Variants in NF1 observed in about 807,000 individuals in gnomAD.
The protein encoded by NF1 is neurofibromin 1.
In NF1, 122 loss-of-function variants were observed where a neutral mutation model predicts 325.7. The observed-to-expected ratio is 0.37, with a 90% CI of 0.32 to 0.44. The LOEUF (loss-of-function observed/expected upper bound fraction) is 0.44, where lower values mean the gene tolerates loss of function less well. Ranked by LOEUF, NF1 falls within the 20% of genes least tolerant of loss-of-function variation. NF1 has a pLI of 1.00. For missense variants in NF1, 2,140 were observed against 3,415.4 expected (o/e 0.63, Z 9.31); for synonymous variants, 1,091 against 1,186.0 (o/e 0.92, Z 1.65).
intron 1 of NF1, among the ~76,000 whole-genome samples, chr17:31,127,569 A>G (rs1026234887): frequency 6.6e-6 from 1 of 151,482 alleles, no homozygotes; most frequent in Admixed American, 6.6e-5. Context: ...TAGAAATGAA[A>G]TTAACTTATA....
intron 1 of NF1, among the ~76,000 whole-genome samples, chr17:31,101,613 C>G (rs1329818005): frequency 6.6e-6 from 1 of 152,186 alleles, no homozygotes; most frequent in African/African-American, 2.4e-5. Context: ...CTTCTTCCCA[C>G]TTCTTGGCCT....
At chr17:31,343,189 G>A in intron 48 of NF1, 54 bp downstream of exon 48, 1 of 1,480,436 alleles carries the variant, frequency 6.8e-7, no homozygotes, top group East Asian at 2.3e-5. Context: ...GAAACCAGAA[G>A]TAATTTGAAT....
intron 3 of NF1, among the ~76,000 whole-genome samples, chr17:31,162,034 T>G (rs1269557738): frequency 4.6e-5 from 1 of 21,914 alleles, no homozygotes. Flanking sequence ...AGACTCCATC[T>G]CAAAAAAAAA....
intron 36 of NF1, among the ~76,000 whole-genome samples, chr17:31,308,264 A>C (rs895522463): frequency 6.6e-6 from 1 of 151,830 alleles, no homozygotes; most frequent in African/African-American, 2.4e-5. Flanking sequence ...CATCCTCCCG[A>C]GTAGCTGGGA....
intron 39 of NF1, among the ~76,000 whole-genome samples, chr17:31,333,036 T>C (rs2069547492): frequency 6.6e-6 from 1 of 152,198 alleles, no homozygotes; most frequent in Non-Finnish European, 1.5e-5. Context: ...GAGACCAGCC[T>C]GGACAACATA....
rs903864295 is a variant in NF1 at position 31,362,253 on chromosome 17, G to A, written c.8377+1550G>A. On this transcript the variant is annotated intron_variant, in intron 57 of 57. Transcript: ENST00000358273. ...CATTATCAGCATTTCAGCTGTGAAG[G>A]CCAGGGCAAAACTTAAAATTTACTT... is the stretch of plus-strand genomic sequence containing the variant. The A allele has an allele frequency of 1.2e-5, 12 of 963,212 alleles. 1 individual carries two copies. The highest frequency in any genetic ancestry group is 5.4e-4 in the Middle Eastern group (1 of 1,868). 59.7% of individuals were successfully genotyped at this position (963,212 alleles called of 1,614,324 possible).
intron 4 of NF1, among the ~76,000 whole-genome samples, chr17:31,167,938 A>G (rs17883350): frequency 1.4e-4 from 21 of 152,198 alleles, no homozygotes; most frequent in Non-Finnish European, 2.5e-4. Context: ...AAATACATGT[A>G]CAAACTGTGA....
rs1359512152 is a variant in NF1, at chr17:31,230,928, A to G, written c.3197+3A>G. The G allele has an allele frequency of 2.5e-6, 4 of 1,605,050 alleles. No homozygotes were observed. Among genetic ancestry groups the G allele is most frequent in the East Asian group, 2.2e-5 (1 of 44,694 alleles). The stretch of plus-strand genomic sequence containing the variant: ...GATGATGTAAAATGTCTTACAAGGT[A>G]AAAAAAGAATGACCTTCAAGTATTA... On this transcript the variant is annotated splice_donor_region_variant and intron_variant, in intron 24 of 57. Coordinates refer to ENST00000358273, the MANE Select transcript of NF1 (RefSeq NM_001042492.3).
At chr17:31,234,845 G>C (rs2067174010) in intron 27 of NF1, among the ~76,000 whole-genome samples, 1 of 152,006 alleles carries the variant, frequency 6.6e-6, no homozygotes, top group African/African-American at 2.4e-5. Flanking sequence ...CATGATCCTG[G>C]CCTTTGTTGT....
chr17:31,262,481 G>A (rs565575480), intron 35 of NF1, among the ~76,000 whole-genome samples: 2 of 152,278 alleles, frequency 1.3e-5, no homozygotes, highest in East Asian at 3.9e-4. Flanking sequence ...ACCTTTCACA[G>A]GACTTTATGC....
chr17:31,095,465 C>G (rs1051760928), intron 1 of NF1, 96 bp downstream of exon 1: 1 of 1,248,506 alleles, frequency 8.0e-7, no homozygotes, highest in African/African-American at 1.5e-5. Context: ...CCCGCGGCTG[C>G]CTCAGGCTCT....
In NF1 at chr17:31,218,493, A is replaced by G. The variant is rs1020145419; in HGVS notation, c.1528-512A>G. Among the ~76,000 whole-genome samples, 31 of 152,164 alleles carry G rather than the reference A, an allele frequency of 2.0e-4. 2 individuals are homozygous for G. Among genetic ancestry groups the G allele is most frequent in the Non-Finnish European group, 1.5e-5 (1 of 68,022 alleles). On this transcript the variant is annotated intron_variant, in intron 13 of 57. Transcript: ENST00000358273. ...TAAAGTTTACAATTCAGTTGTTTTC[A>G]GTATATTTACAAGGTTCTGCAACCA...
In NF1 at chr17:31,201,483, A is replaced by G; in HGVS notation, c.1258A>G (p.Asn420Asp). Residue 420 changes from asparagine (N) to aspartate (D), a missense_variant and splice_region_variant, in exon 11 of 58, where the codon AAT becomes GAT. Coordinates refer to ENST00000358273, the MANE Select transcript of NF1 (RefSeq NM_001042492.3). The stretch of plus-strand genomic sequence containing the variant: ...AAATTCACTCCATCGAATCATCACC[A>G]ATGTAAGTCCAAAAGGTATTGCTAA... ...LVNSLHRIIT[N>D]SALDWWPKID... The G allele has an allele frequency of 6.2e-7, 1 of 1,609,728 alleles. No homozygotes were observed. The highest frequency in any genetic ancestry group is 8.5e-7 in the Non-Finnish European group (1 of 1,176,862).
intron 57 of NF1, among the ~76,000 whole-genome samples, chr17:31,368,632 G>A (rs1414338291): frequency 6.6e-6 from 1 of 152,120 alleles, no homozygotes; most frequent in African/African-American, 2.4e-5. Flanking sequence ...TAAAATTAAA[G>A]TCCTAGTATT....
intron 36 of NF1, among the ~76,000 whole-genome samples, chr17:31,297,707 A>C (rs2068495792): frequency 6.6e-6 from 1 of 152,032 alleles, no homozygotes; most frequent in South Asian, 2.1e-4. Context: ...TCACTTTTTT[A>C]ATATTATAAA....
intron 20 of NF1, among the ~76,000 whole-genome samples, chr17:31,228,471 A>G (rs2067054133): frequency 2.6e-5 from 4 of 152,174 alleles, no homozygotes; most frequent in Admixed American, 2.6e-4. Context: ...CAGTTCACCC[A>G]TTTAAAGTGT....
chr17:31,112,804 G>A (rs1441950582), intron 1 of NF1, among the ~76,000 whole-genome samples: 1 of 151,788 alleles, frequency 6.6e-6, no homozygotes, highest in Non-Finnish European at 1.5e-5. Flanking sequence ...TCATGTTATT[G>A]GTATATCTAA....
At chr17:31,320,668 T>C (rs932323197) in intron 36 of NF1, among the ~76,000 whole-genome samples, 1 of 152,226 alleles carries the variant, frequency 6.6e-6, no homozygotes, top group African/African-American at 2.4e-5. Context: ...GATTACTTTT[T>C]AGATTATGAC....
At chr17:31,181,602 AG>A in intron 6 of NF1, 107 bp from the exon 7 acceptor site, 1 of 1,291,652 alleles carries the variant, frequency 7.7e-7, no homozygotes, top group South Asian at 1.2e-5. Flanking sequence ...ATTCATTTTC[AG>A]GAAGAATACA....
Sources: allele counts gnomAD v4.1 joint callset (sites outside exome capture counted in the v4.1 genomes callset), GRCh38; gene constraint gnomAD v4.1.1; transcripts MANE v1.5; gene names NCBI Gene and HGNC (gene_info 2026-07-23, HGNC 2026-07-21).